The following DHX33 variants were observed in gnomAD, a reference collection of about 807,000 sequenced individuals.
The protein encoded by DHX33 is ATP-dependent RNA helicase DHX33.
Under a neutral mutation model 72.5 loss-of-function variants are expected in DHX33, and 42 were observed. The observed-to-expected ratio is 0.58, with a 90% confidence interval of 0.45 to 0.75. The LOEUF (loss-of-function observed/expected upper bound fraction) is 0.75, where lower values mean the gene tolerates loss of function less well. Ranked by LOEUF, DHX33 falls within the 30% of genes least tolerant of loss-of-function variation. DHX33 has a pLI of 0.00. For missense variants in DHX33, 842 were observed against 917.5 expected (o/e 0.92, Z 1.06); for synonymous variants, 358 against 366.1 (o/e 0.98, Z 0.25).
At position 5,456,080 on chromosome 17, in the gene DHX33, C is replaced by G; in HGVS notation, c.952G>C (p.Gly318Arg). ...GGAAGGACCAGCATCGCAGGGCAGC[C>G]GTCTGGGAGGTGCTTTGCAATGTCT... ...CRDIAKHLPD[G>R]CPAMLVLPLY... is the part of the protein sequence containing the mutation. Residue 318 changes from glycine to arginine, a missense_variant, in exon 5 of 12, where the codon GGC becomes CGC. Physicochemically the swap from Gly to Arg is moderately radical, Grantham distance 125. Coordinates refer to ENST00000225296, the MANE Select transcript of DHX33 (RefSeq NM_020162.4). 1 of 1,613,912 alleles carries G rather than the reference C, an allele frequency of 6.2e-7. No individual in the cohort carries two copies. Among genetic ancestry groups the G allele is most frequent in the Non-Finnish European group, 8.5e-7 (1 of 1,180,028 alleles).
intron 3 of DHX33, among the ~76,000 whole-genome samples, chr17:5,461,542 T>C (rs1025630053): frequency 6.7e-6 from 1 of 149,482 alleles, no homozygotes; most frequent in African/African-American, 2.5e-5. Flanking sequence ...GGCGTGAACC[T>C]GGGAGGCGGA....
chr17:5,455,099 T>C (rs964152767), intron 6 of DHX33, 61 bp downstream of exon 6: 35 of 1,411,594 alleles, frequency 2.5e-5, no homozygotes, highest in Non-Finnish European at 3.5e-5. Context: ...ACTGTGGGAC[T>C]ACAGTTTCAG....
In DHX33 at chr17:5,444,835, C is replaced by A; in HGVS notation, c.1816-322G>T. Reference sequence around the variant, plus strand: ...TCACCTAAATTCCATCAGGACGGCCCGGAAAGGAAAGGCCCTTCCCTCTCG... The same window carrying A: ...TCACCTAAATTCCATCAGGACGGCCAGGAAAGGAAAGGCCCTTCCCTCTCG... On this transcript the variant is annotated intron_variant, in intron 11 of 11. Coordinates refer to ENST00000225296, the MANE Select transcript of DHX33 (RefSeq NM_020162.4). The surrounding 1 kb of genome is among the most constrained non-coding windows in gnomAD (Gnocchi z 4.9). Among the ~76,000 whole-genome samples the A allele has an allele frequency of 6.6e-6, 1 of 152,246 alleles. No individual in the cohort carries two copies. Among genetic ancestry groups the A allele is most frequent in the Non-Finnish European group, 1.5e-5 (1 of 68,012 alleles).
At chr17:5,467,908 C>T (rs1337147401) in intron 1 of DHX33, among the ~76,000 whole-genome samples, 1 of 152,140 alleles carries the variant, frequency 6.6e-6, no homozygotes, top group Non-Finnish European at 1.5e-5. Flanking sequence ...TGTTTCTTTC[C>T]TTTTTCTTTA....
In DHX33 at chr17:5,462,548, T is replaced by C; in HGVS notation, c.451-2A>G. The C allele has an allele frequency of 6.2e-7, 1 of 1,609,892 alleles. No homozygotes were observed. Among genetic ancestry groups the C allele is most frequent in the Non-Finnish European group, 8.5e-7 (1 of 1,176,388 alleles). On this transcript the variant is annotated splice_acceptor_variant, in intron 2 of 11. Coordinates refer to ENST00000225296, the MANE Select transcript of DHX33 (RefSeq NM_020162.4). LOFTEE classifies it high-confidence loss of function. ...ATCAAAGCGCACTGTATAGCCAACC[T>C]GTGCAGGGAAACAATTTATTCAGTC...
chr17:5,455,954 G>A, intron 5 of DHX33, 43 bp downstream of exon 5: 1 of 1,579,990 alleles, frequency 6.3e-7, no homozygotes, highest in Non-Finnish European at 8.6e-7. Flanking sequence ...GGATCCGTCT[G>A]GGTGCCCAGA....
chr17:5,461,071 G>A lies in DHX33; in HGVS notation c.717C>T (p.Phe239=). The change falls in exon 4 of 12, where the codon TTC becomes TTT. Residue 239 remains phenylalanine, a synonymous_variant. Coordinates refer to ENST00000225296, the MANE Select transcript of DHX33 (RefSeq NM_020162.4). ...CGGGGGCGCCATTGAAATACTGAGAGAACAGGTCCACATCCATCGTAGCTG... is the reference window on the plus strand; with the variant it reads ...CGGGGGCGCCATTGAAATACTGAGAAAACAGGTCCACATCCATCGTAGCTG... ...VMSATMDVDL[F]SQYFNGAPVL... 6.2e-7 allele frequency: 1 copy of A among 1,612,916 alleles called. No homozygotes were observed. The highest frequency in any genetic ancestry group is 8.5e-7 in the Non-Finnish European group (1 of 1,179,410).
chr17:5,455,136 C>T, intron 6 of DHX33, 24 bp downstream of exon 6: 1 of 1,579,808 alleles, frequency 6.3e-7, no homozygotes, highest in Non-Finnish European at 8.7e-7. Flanking sequence ...ACAGGAGAGA[C>T]ATTCATGAAC....
At chr17:5,451,521 A>G (rs1024547100) in intron 8 of DHX33, among the ~76,000 whole-genome samples, 1 of 152,208 alleles carries the variant, frequency 6.6e-6, no homozygotes, top group African/African-American at 2.4e-5. Flanking sequence ...TCACCTGCAG[A>G]TACACATCGC....
intron 9 of DHX33, 26 bp downstream of exon 9, chr17:5,450,781 A>T (rs1427134902): frequency 1.2e-6 from 2 of 1,613,984 alleles, no homozygotes; most frequent in South Asian, 2.2e-5. Flanking sequence ...GTACAGAAAG[A>T]GGACTGAGGA....
intron 3 of DHX33, 69 bp downstream of exon 3, chr17:5,462,250 C>T: frequency 6.8e-7 from 1 of 1,475,212 alleles, no homozygotes; most frequent in Non-Finnish European, 9.3e-7. Context: ...AGGCCTGTTT[C>T]CTTCTGTGTG....
At chr17:5,455,882 C>T in intron 5 of DHX33, 115 bp downstream of exon 5, 6 of 1,160,568 alleles carry the variant, frequency 5.2e-6, no homozygotes, top group Middle Eastern at 3.0e-4. Flanking sequence ...TGATCTGGCA[C>T]CTGGGTATCC....
chr17:5,446,943 G>A (rs1916678938), intron 11 of DHX33, among the ~76,000 whole-genome samples: 1 of 152,244 alleles, frequency 6.6e-6, no homozygotes, highest in African/African-American at 2.4e-5. Context: ...AGAAGAAACA[G>A]CTCTAGTGCC....
At chr17:5,453,738 A>T in intron 7 of DHX33, 70 bp from the exon 8 acceptor site, 1 of 1,612,116 alleles carries the variant, frequency 6.2e-7, no homozygotes, top group Non-Finnish European at 8.5e-7. Context: ...CTCATGGTGG[A>T]GTGTGAGTAA....
chr17:5,453,705 C>T lies in DHX33; in HGVS notation c.1308-37G>A, dbSNP rs781525125. 26 of 1,612,478 alleles carry T rather than the reference C, an allele frequency of 1.6e-5. 1 individual carries two copies. In the South Asian group the frequency reaches 2.5e-4, roughly 16 times the overall value. ...ATGAGACCAGGGTCATGACCTGATC[C>T]CTCTGCCATTGAGTCAGAACCCCTC... On this transcript the variant is annotated intron_variant, in intron 7 of 11. Transcript: ENST00000225296.
chr17:5,453,401 A>G (rs1210465853), intron 8 of DHX33, among the ~76,000 whole-genome samples, 179 bp downstream of exon 8: 1 of 152,194 alleles, frequency 6.6e-6, no homozygotes, highest in East Asian at 1.9e-4. Flanking sequence ...TTAAAAGTCA[A>G]TCAATGTATC....
In DHX33 at chr17:5,442,613, G is replaced by A. The variant is rs1267672860; in HGVS notation, c.*1592C>T. 6.6e-6 allele frequency: 1 copy of A among 152,122 alleles called. No homozygotes were observed. The highest frequency in any genetic ancestry group is 1.9e-4 in the East Asian group (1 of 5,186). 9.4% of individuals were successfully genotyped at this position (152,122 alleles called of 1,614,324 possible). A position where few individuals can be genotyped will look rare whatever the true frequency, so the allele number is the denominator to read the frequency against. ...TTGACATACACAACTCCGGACAGATGGGACCCTGGAATGGGGCTGCTCCAT... is the reference window on the plus strand; with the variant it reads ...TTGACATACACAACTCCGGACAGATAGGACCCTGGAATGGGGCTGCTCCAT... On this transcript the variant is annotated 3_prime_UTR_variant, in exon 12 of 12. Coordinates refer to ENST00000225296, the MANE Select transcript of DHX33 (RefSeq NM_020162.4).
intron 3 of DHX33, 83 bp from the exon 4 acceptor site, chr17:5,461,192 G>T (rs891365101): frequency 2.8e-5 from 40 of 1,441,262 alleles, no homozygotes; most frequent in Non-Finnish European, 3.8e-5. Context: ...AAAAGCAGAT[G>T]ATTGAGGCCT....
Position 5,463,654 on chromosome 17 carries a change from G to A in DHX33, c.325C>T (p.Gln109Ter), listed in dbSNP as rs762897665. 1.2e-6 allele frequency: 2 copies of A among 1,613,396 alleles called. No individual in the cohort carries two copies. Among genetic ancestry groups the A allele is most frequent in the Non-Finnish European group, 1.7e-6 (2 of 1,179,744 alleles). The change falls in exon 2 of 12, where the codon CAG becomes TAG. Residue 109 changes from glutamine to a stop codon, truncating the protein, a stop_gained. Coordinates refer to ENST00000225296, the MANE Select transcript of DHX33 (RefSeq NM_020162.4). LOFTEE classifies it high-confidence loss of function. ...TGSGKTTQIP[Q>*]YLYEGGISRQ... is the part of the protein sequence containing the mutation. ...CTGATCCCTCCTTCATACAGGTACT[G>A]AGGGATCTGAGTTGTCTTCCCAGAG...
Sources: gnomAD v4.1 joint callset for allele counts (sites outside exome capture counted in the v4.1 genomes callset) on GRCh38, gnomAD v4.1.1 for gene constraint, Gnocchi (gnomAD v3.1) non-coding constraint, MANE v1.5 for transcripts, NCBI Gene and HGNC (gene_info 2026-07-23, HGNC 2026-07-21) for gene names.